RBFOX1: variants seen among roughly 807,000 people sequenced by gnomAD.
RBFOX1 encodes RNA binding protein fox-1 homolog 1.
Under a neutral mutation model 57.7 loss-of-function variants are expected in RBFOX1, and 8 were observed. The ratio of observed to expected loss-of-function variants is 0.14; its 90% confidence interval spans 0.08 to 0.25. RBFOX1 has a LOEUF of 0.25. Among genes scored for constraint, RBFOX1 ranks in the 10% least tolerant of loss-of-function variants. The pLI is 1.00. For synonymous variants in RBFOX1, 326 were observed against 222.4 expected, an observed-to-expected ratio of 1.47 and a Z score of -4.15; for missense variants, 611 against 548.5, an observed-to-expected ratio of 1.11 and a Z score of -1.14.
At chr16:6,672,938 A>G (rs11861232) in intron 3 of RBFOX1, among the ~76,000 whole-genome samples, 43,575 of 151,918 alleles carry the variant, frequency 0.29, 6,504 homozygotes, top group Non-Finnish European at 0.33. Flanking sequence ...GGCGTGTGGG[A>G]TGTTGATCAA....
chr16:5,499,321 G>C (rs2043107972), intron 2 of RBFOX1, among the ~76,000 whole-genome samples: 1 of 152,154 alleles, frequency 6.6e-6, no homozygotes, highest in Admixed American at 6.5e-5. Flanking sequence ...CCTGGCACAG[G>C]TGACATTCTC....
In RBFOX1 at chr16:6,851,954, G is replaced by A. The variant is rs535719685; in HGVS notation, c.-16+197304G>A. On this transcript the variant is annotated intron_variant, in intron 3 of 15. Transcript: ENST00000550418. The stretch of plus-strand genomic sequence containing the variant: ...TTTTTTTTTTTTCTTTTTTTGAGAT[G>A]GAGGTTCGTCGCCCAGGCTGGAGTC... 4.7e-5 allele frequency among the ~76,000 whole-genome samples: 7 copies of A among 148,684 alleles called. 1 individual carries two copies. The South Asian group carries it at 1.1e-3, about 23-fold the overall frequency.
chr16:7,350,799 G>C (rs1229974262), intron 4 of RBFOX1, among the ~76,000 whole-genome samples: 1 of 152,190 alleles, frequency 6.6e-6, no homozygotes, highest in Non-Finnish European at 1.5e-5. Context: ...TGGAATGAGA[G>C]GTAGAGGACC....
At position 6,123,168 on chromosome 16, in the gene RBFOX1, C is replaced by T. The variant is rs74004794; in HGVS notation, c.-127+103176C>T. On this transcript the variant is annotated intron_variant, in intron 1 of 15. Coordinates refer to ENST00000550418, the MANE Select transcript of RBFOX1 (RefSeq NM_018723.4). ...ATTCCTATGAATACACACAAAGGAACTGAAAATAGAATCTTGCACAGATAC... is the reference window on the plus strand; with the variant it reads ...ATTCCTATGAATACACACAAAGGAATTGAAAATAGAATCTTGCACAGATAC... Among the ~76,000 whole-genome samples, 1,356 of 152,154 alleles carry T rather than the reference C, an allele frequency of 8.9e-3. 23 individuals carry two copies. Among genetic ancestry groups the T allele is most frequent in the African/African-American group, 0.03 (1,253 of 41,524 alleles).
intron 3 of RBFOX1, among the ~76,000 whole-genome samples, chr16:7,044,284 C>A (rs769660009): frequency 6.6e-6 from 1 of 152,140 alleles, no homozygotes; most frequent in Non-Finnish European, 1.5e-5. Flanking sequence ...AGGAAAGCCA[C>A]CTAAGGCTCA....
chr16:6,282,203 A>ATGCTTGAT (rs1308254183), intron 1 of RBFOX1, among the ~76,000 whole-genome samples: 1 of 152,138 alleles, frequency 6.6e-6, no homozygotes, highest in Non-Finnish European at 1.5e-5. Flanking sequence ...ATAGACCAGC[A>ATGCTTGAT]TGCTTGATCT....
intron 3 of RBFOX1, among the ~76,000 whole-genome samples, chr16:6,815,976 C>A (rs968940196): frequency 6.6e-6 from 1 of 152,150 alleles, no homozygotes; most frequent in African/African-American, 2.4e-5. Context: ...TTAAGGTTGG[C>A]AAATCCTTTG....
chr16:7,541,282 T>C (rs767534643), intron 5 of RBFOX1, among the ~76,000 whole-genome samples: 5 of 152,204 alleles, frequency 3.3e-5, no homozygotes, highest in Non-Finnish European at 7.3e-5. Context: ...TTATTGCTTC[T>C]AAAAGTGAGT....
At chr16:6,703,568 G>A (rs987132813) in intron 3 of RBFOX1, among the ~76,000 whole-genome samples, 9 of 152,114 alleles carry the variant, frequency 5.9e-5, no homozygotes, top group Admixed American at 6.5e-5. Context: ...AAAAAAGCCT[G>A]GTGTGGTGTT....
chr16:6,370,123 C>T (rs2090205221), intron 2 of RBFOX1, among the ~76,000 whole-genome samples: 1 of 152,066 alleles, frequency 6.6e-6, no homozygotes, highest in South Asian at 2.1e-4. Context: ...CTTTGGGAGG[C>T]CGAGGCAGGC....
chr16:5,690,935 G>T (rs1271558800), intron 3 of RBFOX1, among the ~76,000 whole-genome samples: 1 of 152,132 alleles, frequency 6.6e-6, no homozygotes, highest in Admixed American at 6.5e-5. Context: ...GACAGTTTCA[G>T]AGAGACTGTA....
At chr16:5,243,696 T>C (rs1392698844) in intron 1 of RBFOX1, among the ~76,000 whole-genome samples, 2 of 152,202 alleles carry the variant, frequency 1.3e-5, no homozygotes, top group South Asian at 2.1e-4. Context: ...GTGGAAATGT[T>C]TGAGGGTGAC....
intron 5 of RBFOX1, among the ~76,000 whole-genome samples, chr16:7,519,239 G>T (rs991817023): frequency 6.6e-6 from 1 of 152,040 alleles, no homozygotes; most frequent in Non-Finnish European, 1.5e-5. Flanking sequence ...TCTGAACCTC[G>T]CTTCTTTACC....
rs144320627 is a variant in RBFOX1, at chr16:5,596,978, G to A, written c.259-1924G>A. On this transcript the variant is annotated intron_variant, in intron 2 of 2. Coordinates refer to the RBFOX1 transcript ENST00000585867. ...GAACAAACACATTTTTGATTTCTTG[G>A]TCACCAGATTTTTCCATGACCAATG... Among the ~76,000 whole-genome samples, 451 of 152,208 alleles carry A rather than the reference G, an allele frequency of 3.0e-3. 1 individual carries two copies. Among genetic ancestry groups the A allele is most frequent in the African/African-American group, 0.01 (426 of 41,516 alleles).
intron 2 of RBFOX1, among the ~76,000 whole-genome samples, chr16:6,560,236 A>G (rs2097162408): frequency 6.6e-6 from 1 of 152,044 alleles, no homozygotes; most frequent in South Asian, 2.1e-4. Flanking sequence ...GGGGGGAAAA[A>G]CAATGAAAAG....
chr16:7,367,714 C>A (rs927710704), intron 4 of RBFOX1, among the ~76,000 whole-genome samples: 1 of 152,142 alleles, frequency 6.6e-6, no homozygotes, highest in Non-Finnish European at 1.5e-5. Flanking sequence ...AAGGAGGCAG[C>A]TTCTCCTTAG....
intron 1 of RBFOX1, among the ~76,000 whole-genome samples, chr16:6,235,838 G>A (rs970425228): frequency 6.6e-6 from 1 of 152,022 alleles, no homozygotes; most frequent in Non-Finnish European, 1.5e-5. Flanking sequence ...TGATACAATG[G>A]ACTCTGGGGA....
intron 1 of RBFOX1, among the ~76,000 whole-genome samples, chr16:6,029,456 T>G (rs2095255327): frequency 6.6e-6 from 1 of 152,166 alleles, no homozygotes; most frequent in Non-Finnish European, 1.5e-5. Context: ...GTTTGAGAAT[T>G]TTTACAGTTG....
intron 1 of RBFOX1, among the ~76,000 whole-genome samples, chr16:6,042,392 C>A (rs1373324690): frequency 2.0e-5 from 3 of 152,130 alleles, no homozygotes; most frequent in African/African-American, 4.8e-5. Flanking sequence ...AGCCACCGTG[C>A]CTGGCCCTTT....
Sources: gnomAD v4.1 joint callset for allele counts (sites outside exome capture counted in the v4.1 genomes callset) on GRCh38, gnomAD v4.1.1 for gene constraint, MANE v1.5 for transcripts, NCBI Gene and HGNC (gene_info 2026-07-23, HGNC 2026-07-21) for gene names.